Variants in APPBP2 observed in about 807,000 individuals in gnomAD.
APPBP2 encodes amyloid protein-binding protein 2.
A neutral mutation model predicts 76.0 loss-of-function variants in APPBP2; 15 were observed. The observed-to-expected ratio is 0.20, with a 90% CI of 0.13 to 0.30. APPBP2 has a LOEUF of 0.30. Ranked by LOEUF, APPBP2 falls within the 10% of genes least tolerant of loss-of-function variation. The pLI is 1.00. For synonymous variants in APPBP2, 222 were observed against 242.2 expected (o/e 0.92, Z 0.77); for missense variants, 401 against 687.2 (o/e 0.58, Z 4.66).
intron 1 of APPBP2, among the ~76,000 whole-genome samples, chr17:60,517,095 A>G (rs1252677857): frequency 6.6e-6 from 1 of 151,750 alleles, no homozygotes; most frequent in East Asian, 1.9e-4. Context: ...CCTGCCTCAG[A>G]CTCCCAAGTA....
At chr17:60,449,595 TCAAAA>T (rs889081862) in intron 12 of APPBP2, among the ~76,000 whole-genome samples, 4 of 151,764 alleles carry the variant, frequency 2.6e-5, no homozygotes, top group African/African-American at 9.7e-5. Flanking sequence ...GACTCTTGTC[TCAAAA>T]CAAAACAAAA....
At chr17:60,498,700 T>C (rs559769133) in intron 2 of APPBP2, among the ~76,000 whole-genome samples, 121 of 152,282 alleles carry the variant, frequency 7.9e-4, no homozygotes, top group African/African-American at 2.2e-3. Context: ...AACTGTATAA[T>C]TGTATTTAAT....
At chr17:60,449,681 C>T (rs2090377281) in intron 12 of APPBP2, among the ~76,000 whole-genome samples, 1 of 149,838 alleles carries the variant, frequency 6.7e-6, no homozygotes, top group Non-Finnish European at 1.5e-5. Flanking sequence ...AAATTGATCC[C>T]TACTTCACAC....
At chr17:60,456,980 A>T (rs1302774577) in intron 9 of APPBP2, among the ~76,000 whole-genome samples, 1 of 152,114 alleles carries the variant, frequency 6.6e-6, no homozygotes, top group African/African-American at 2.4e-5. Flanking sequence ...TACTAAAAAA[A>T]TACGAAAATT....
At chr17:60,490,867 T>C (rs749108936) in intron 3 of APPBP2, among the ~76,000 whole-genome samples, 4 of 152,228 alleles carry the variant, frequency 2.6e-5, no homozygotes, top group Non-Finnish European at 4.4e-5. Context: ...TCCACCATGA[T>C]TGTGAGGCCT....
At chr17:60,520,641 C>T (rs2091002676) in intron 1 of APPBP2, among the ~76,000 whole-genome samples, 1 of 151,452 alleles carries the variant, frequency 6.6e-6, no homozygotes, top group East Asian at 1.9e-4. Context: ...ACACTTCACC[C>T]AGACAAAGTT....
At chr17:60,496,781 T>C (rs756762474) in intron 2 of APPBP2, among the ~76,000 whole-genome samples, 2 of 152,100 alleles carry the variant, frequency 1.3e-5, no homozygotes, top group Non-Finnish European at 2.9e-5. Flanking sequence ...AGTGCAGCGG[T>C]GTGATGTTGG....
intron 2 of APPBP2, among the ~76,000 whole-genome samples, chr17:60,498,863 C>A (rs1337741016): frequency 2.0e-5 from 3 of 152,008 alleles, no homozygotes; most frequent in Non-Finnish European, 4.4e-5. Flanking sequence ...CTAATTGAGA[C>A]AATTTCTCAA....
intron 3 of APPBP2, among the ~76,000 whole-genome samples, chr17:60,483,593 C>A (rs775344469): frequency 4.6e-5 from 7 of 152,072 alleles, no homozygotes; most frequent in South Asian, 4.1e-4. Flanking sequence ...CGGGGTTTCA[C>A]CATGTTAGCC....
At chr17:60,471,219 G>A (rs1426918795) in intron 4 of APPBP2, among the ~76,000 whole-genome samples, 2 of 152,020 alleles carry the variant, frequency 1.3e-5, no homozygotes, top group African/African-American at 4.8e-5. Flanking sequence ...TTATTTTCTT[G>A]ATGTTTTTGA....
Position 60,447,467 on chromosome 17 carries a change from AC to A in APPBP2, c.*113del, listed in dbSNP as rs769751535. On this transcript the variant is annotated 3_prime_UTR_variant, in exon 13 of 13. Transcript: ENST00000083182. ...TCACCCAAAATAGGGTCTTCAATGG[AC>A]TGGACCAGTGTTTCAATGCAAATTC... The A allele has an allele frequency of 1.4e-4, 178 of 1,235,374 alleles. No individual in the cohort carries two copies. Among genetic ancestry groups the A allele is most frequent in the Admixed American group, 7.5e-4 (32 of 42,596 alleles). The allele number at this position is 1,235,374 out of a possible 1,614,324, so 76.5% of individuals were successfully genotyped here. A position where few individuals can be genotyped will look rare whatever the true frequency, so the allele number is the denominator to read the frequency against.
intron 4 of APPBP2, among the ~76,000 whole-genome samples, chr17:60,478,128 G>A (rs948098752): frequency 6.6e-6 from 1 of 151,940 alleles, no homozygotes; most frequent in African/African-American, 2.4e-5. Flanking sequence ...CATAAAAATA[G>A]AAGACTGTAA....
chr17:60,449,151 C>G (rs1461215736), intron 12 of APPBP2, among the ~76,000 whole-genome samples: 1 of 152,148 alleles, frequency 6.6e-6, no homozygotes, highest in Non-Finnish European at 1.5e-5. Flanking sequence ...AGTAGTAGGT[C>G]TGTTTTTCAC....
intron 4 of APPBP2, among the ~76,000 whole-genome samples, chr17:60,478,269 G>A (rs900962377): frequency 6.6e-6 from 1 of 151,916 alleles, no homozygotes; most frequent in African/African-American, 2.4e-5. Context: ...AATCAAATTG[G>A]GGGACAAAGA....
chr17:60,510,864 G>C (rs1439711091), intron 1 of APPBP2, among the ~76,000 whole-genome samples: 2 of 151,986 alleles, frequency 1.3e-5, no homozygotes, highest in Admixed American at 6.6e-5. Context: ...TCAAATAAAA[G>C]GGCAACCCTT....
chr17:60,496,149 G>T (rs1428981610), intron 2 of APPBP2, among the ~76,000 whole-genome samples: 1 of 152,144 alleles, frequency 6.6e-6, no homozygotes, highest in Non-Finnish European at 1.5e-5. Context: ...CTGAGGAAAT[G>T]GTCAGCCAAG....
At chr17:60,491,875 C>T (rs1012073408) in intron 3 of APPBP2, among the ~76,000 whole-genome samples, 10 of 152,208 alleles carry the variant, frequency 6.6e-5, no homozygotes, top group African/African-American at 2.2e-4. Flanking sequence ...GCATGAGTAA[C>T]GAGCAGCCAA....
Position 60,447,519 on chromosome 17 carries a change from G to T in APPBP2, c.*62C>A. On this transcript the variant is annotated 3_prime_UTR_variant, in exon 13 of 13. Transcript: ENST00000083182. ...CAGCCCCCCAAAACAACATGGTTTT[G>T]ATTTCACAGTATGAATTCCCTGGAA... The T allele has an allele frequency of 6.5e-7, 1 of 1,529,576 alleles. No individual in the cohort carries two copies. The highest frequency in any genetic ancestry group is 1.3e-5 in the South Asian group (1 of 77,308). The allele number at this position is 1,529,576 out of a possible 1,614,324, so 94.8% of individuals were successfully genotyped here.
At chr17:60,507,962 C>CT (rs1007598846) in intron 1 of APPBP2, among the ~76,000 whole-genome samples, 9 of 150,834 alleles carry the variant, frequency 6.0e-5, no homozygotes, top group East Asian at 5.9e-4. Context: ...CAAGTTGTTT[C>CT]TTTTTTTTCC....
Sources: gnomAD v4.1 joint callset for allele counts (sites outside exome capture counted in the v4.1 genomes callset) on GRCh38, gnomAD v4.1.1 for gene constraint, MANE v1.5 for transcripts, NCBI Gene and HGNC (gene_info 2026-07-23, HGNC 2026-07-21) for gene names.